The following PDE1A variants were observed in gnomAD, a reference collection of about 807,000 sequenced individuals.
The protein encoded by PDE1A is phosphodiesterase 1A.
A neutral mutation model predicts 61.7 loss-of-function variants in PDE1A; 35 were observed. That is an observed-to-expected ratio of 0.57 (90% CI 0.43 to 0.75). The LOEUF is 0.75. Among genes scored for constraint, PDE1A ranks in the 30% least tolerant of loss-of-function variants. The pLI, the probability that PDE1A is intolerant of heterozygous loss-of-function variation, is 0.00. For synonymous variants in PDE1A, 232 were observed against 213.2 expected (o/e 1.09, Z -0.77); for missense variants, 597 against 630.6 (o/e 0.95, Z 0.57).
At chr2:182,612,674 G>T in the PDE1A span, among the ~76,000 whole-genome samples, 6 of 152,060 alleles carry the variant, frequency 3.9e-5, no homozygotes, top group Non-Finnish European at 8.8e-5. Context: ...TTTTCATTGG[G>T]GCCTCTATAA....
At chr2:182,514,162 G>A (rs1011904747) in intron 2 of PDE1A, among the ~76,000 whole-genome samples, 4 of 152,256 alleles carry the variant, frequency 2.6e-5, no homozygotes, top group Middle Eastern at 3.4e-3. Flanking sequence ...ACAAAACACT[G>A]CTTAAAGAAA....
intron 1 of PDE1A, among the ~76,000 whole-genome samples, chr2:182,385,048 A>G (rs1267515406): frequency 1.3e-5 from 2 of 152,214 alleles, no homozygotes; most frequent in Non-Finnish European, 2.9e-5. Flanking sequence ...CAAACTGTCA[A>G]CCAATAATAC....
intron 2 of PDE1A, among the ~76,000 whole-genome samples, chr2:182,435,206 G>A (rs758619353): frequency 2.0e-5 from 3 of 152,006 alleles, no homozygotes; most frequent in Admixed American, 6.6e-5. Context: ...CCAAACATCC[G>A]TTGCTTAGTG....
chr2:182,657,753 T>G, the PDE1A span, among the ~76,000 whole-genome samples: 1 of 152,098 alleles, frequency 6.6e-6, no homozygotes, highest in South Asian at 2.1e-4. Flanking sequence ...ATTTTTTGCT[T>G]CCAATTCTCC....
the PDE1A span, among the ~76,000 whole-genome samples, chr2:182,613,173 T>C: frequency 6.6e-6 from 1 of 152,250 alleles, no homozygotes; most frequent in East Asian, 1.9e-4. Flanking sequence ...TTTTTATATT[T>C]GTCAAATTGT....
intron 13 of PDE1A, among the ~76,000 whole-genome samples, chr2:182,152,589 T>C (rs1690850135): frequency 6.6e-6 from 1 of 151,972 alleles, no homozygotes; most frequent in South Asian, 2.1e-4. Flanking sequence ...CCCAGCTAAT[T>C]TTTGTATTTT....
At chr2:182,547,979 T>C in the PDE1A span, among the ~76,000 whole-genome samples, 1 of 152,204 alleles carries the variant, frequency 6.6e-6, no homozygotes, top group South Asian at 2.1e-4. Context: ...GATGTGTAGA[T>C]ATGGGAATTG....
the PDE1A span, among the ~76,000 whole-genome samples, chr2:182,553,850 T>C: frequency 6.6e-6 from 1 of 152,224 alleles, no homozygotes; most frequent in Non-Finnish European, 1.5e-5. Context: ...TGTATATCTC[T>C]ATAACAGATT....
the PDE1A span, among the ~76,000 whole-genome samples, chr2:182,637,740 A>C: frequency 6.6e-6 from 1 of 151,928 alleles, no homozygotes; most frequent in Non-Finnish European, 1.5e-5. Context: ...TCCCAACGTG[A>C]TGAAACCCCA....
chr2:182,346,652 C>G (rs1698538927), intron 1 of PDE1A, among the ~76,000 whole-genome samples: 2 of 152,166 alleles, frequency 1.3e-5, no homozygotes, highest in African/African-American at 4.8e-5. Flanking sequence ...GTTCCTCTCC[C>G]TGGAGGGAAA....
chr2:182,256,862 GTCTATC>G (rs1691858858), intron 2 of PDE1A, among the ~76,000 whole-genome samples: 1 of 152,176 alleles, frequency 6.6e-6, no homozygotes, highest in Non-Finnish European at 1.5e-5. Flanking sequence ...CAGTAGATTG[GTCTATC>G]TCTGTTTTTT....
Position 182,451,328 on chromosome 2 carries a change from G to C in PDE1A, c.101+70948C>G, listed in dbSNP as rs1016015027. Reference sequence around the variant, plus strand: ...CGGGAGGCGGAGCTTGCAGTGAGCCGAGATCCCGCCACTGCACTCCAGCCT... The same window carrying C: ...CGGGAGGCGGAGCTTGCAGTGAGCCCAGATCCCGCCACTGCACTCCAGCCT... On this transcript the variant is annotated intron_variant, in intron 2 of 14. Coordinates refer to the PDE1A transcript ENST00000410103. Among the ~76,000 whole-genome samples the C allele has an allele frequency of 2.4e-4, 4 of 16,500 alleles. 2 individuals carry two copies. Among genetic ancestry groups the C allele is most frequent in the African/African-American group, 9.4e-4 (4 of 4,260 alleles). The allele number at this position is 16,500 out of a possible 152,430, so 10.8% of individuals were successfully genotyped here.
the PDE1A span, among the ~76,000 whole-genome samples, chr2:182,590,701 C>A: frequency 6.6e-6 from 1 of 152,140 alleles, no homozygotes; most frequent in East Asian, 1.9e-4. Context: ...AACTGATGAA[C>A]GACTACCCCA....
the PDE1A span, among the ~76,000 whole-genome samples, chr2:182,616,031 A>G: frequency 6.6e-6 from 1 of 152,242 alleles, no homozygotes; most frequent in Non-Finnish European, 1.5e-5. Context: ...AACAATAATG[A>G]ATAAATTATT....
chr2:182,525,328 T>C (rs1234533740), upstream of PDE1A, among the ~76,000 whole-genome samples: 7 of 152,244 alleles, frequency 4.6e-5, no homozygotes, highest in Admixed American at 1.3e-4. Context: ...TTTTTATGCA[T>C]TGCTGGTGTT....
chr2:182,379,400 G>A (rs1004330671), intron 1 of PDE1A, among the ~76,000 whole-genome samples: 2 of 152,200 alleles, frequency 1.3e-5, no homozygotes, highest in Non-Finnish European at 2.9e-5. Context: ...GCCTCTAGGA[G>A]AGATCATGAA....
At chr2:182,526,259 CAATA>C (rs1187295949), upstream of PDE1A, among the ~76,000 whole-genome samples, 1 of 151,860 alleles carries the variant, frequency 6.6e-6, no homozygotes, top group African/African-American at 2.4e-5. Context: ...GGAAAAATTC[CAATA>C]AATATTATTT....
downstream of PDE1A, among the ~76,000 whole-genome samples, chr2:182,145,896 A>T (rs1249146689): frequency 2.0e-5 from 3 of 152,208 alleles, no homozygotes; most frequent in African/African-American, 7.2e-5. Context: ...AATTATTTTA[A>T]AAGCGAATCA....
intron 1 of PDE1A, among the ~76,000 whole-genome samples, chr2:182,296,231 C>A (rs1266627216): frequency 6.6e-6 from 1 of 152,196 alleles, no homozygotes; most frequent in Non-Finnish European, 1.5e-5. Context: ...ACCTCGGGCT[C>A]TCTGGGCTGC....
Sources: gnomAD v4.1 joint callset for allele counts (sites outside exome capture counted in the v4.1 genomes callset) on GRCh38, gnomAD v4.1.1 for gene constraint, MANE v1.5 for transcripts, NCBI Gene and HGNC (gene_info 2026-07-23, HGNC 2026-07-21) for gene names.